KLB: variants seen among roughly 807,000 people sequenced by gnomAD.
KLB encodes the protein beta-klotho.
Under a neutral mutation model 88.4 loss-of-function variants are expected in KLB, and 44 were observed. The ratio of observed to expected loss-of-function variants is 0.50; its 90% CI spans 0.39 to 0.64. The LOEUF (loss-of-function observed/expected upper bound fraction) is 0.64, where lower values mean the gene tolerates loss of function less well. Among genes scored for constraint, KLB ranks in the 30% least tolerant of loss-of-function variants. The probability of loss-of-function intolerance (pLI) is 0.00; values close to 1 mark genes in which losing one functional copy is unlikely to be tolerated. For synonymous variants in KLB, 548 were observed against 513.4 expected (o/e 1.07, Z -0.91); for missense variants, 1,137 against 1,304.8 (o/e 0.87, Z 1.98).
chr4:39,430,894 G>A (rs1002548260), intron 1 of KLB, among the ~76,000 whole-genome samples: 1 of 148,842 alleles, frequency 6.7e-6, no homozygotes, highest in Non-Finnish European at 1.5e-5. Flanking sequence ...ACAGGCATGA[G>A]CCACTGCTCC....
At chr4:39,426,251 C>CAAA (rs36101900) in intron 1 of KLB, among the ~76,000 whole-genome samples, 76,196 of 129,318 alleles carry the variant, frequency 0.59, 24,304 homozygotes, top group East Asian at 0.7. Flanking sequence ...GACTCCATCT[C>CAAA]AAAAAAAAAA....
At chr4:39,424,883 C>T (rs1442276611) in intron 1 of KLB, among the ~76,000 whole-genome samples, 1 of 152,144 alleles carries the variant, frequency 6.6e-6, no homozygotes, top group East Asian at 1.9e-4. Context: ...CCCGCCTCGG[C>T]CTCCCAAAGT....
At chr4:39,408,647 G>A (rs1432719854) in intron 1 of KLB, among the ~76,000 whole-genome samples, 1 of 152,116 alleles carries the variant, frequency 6.6e-6, no homozygotes, top group Admixed American at 6.5e-5. Context: ...AGGTTAAGGA[G>A]TAAAATACAG....
rs869183002 is a variant in KLB, at chr4:39,426,413, T to TAA, written c.826-7773_826-7772dup. ...TGGGTGACAGAGCAAGACTCCTATC[T>TAA]AAAAAAAAAAAAAAAAAAAAAAAAA... On this transcript the variant is annotated intron_variant, in intron 1 of 4. Coordinates refer to ENST00000257408, the MANE Select transcript of KLB (RefSeq NM_175737.4). Among the ~76,000 whole-genome samples, 446 of 65,392 alleles carry TAA rather than the reference T, an allele frequency of 6.8e-3. 9 individuals carry two copies. Among genetic ancestry groups the TAA allele is most frequent in the African/African-American group, 0.024 (359 of 15,216 alleles). 42.9% of individuals were successfully genotyped at this position (65,392 alleles called of 152,430 possible).
chr4:39,414,408 A>G (rs1742922308), intron 1 of KLB, among the ~76,000 whole-genome samples: 2 of 152,072 alleles, frequency 1.3e-5, no homozygotes, highest in Non-Finnish European at 2.9e-5. Flanking sequence ...GAGAATAAAG[A>G]CTGTCCCTCC....
chr4:39,431,127 G>C (rs2926042), intron 1 of KLB, among the ~76,000 whole-genome samples: 1 of 144,966 alleles, frequency 6.9e-6, no homozygotes, highest in Non-Finnish European at 1.5e-5. Flanking sequence ...ACGGGGTTTC[G>C]TCATGTTGAC....
At position 39,434,464 on chromosome 4, in the gene KLB, G is replaced by A. The variant is rs1451270443; in HGVS notation, c.1080G>A (p.Lys360=). 2 of 1,614,094 alleles carry A rather than the reference G, an allele frequency of 1.2e-6. No homozygotes were observed. Among genetic ancestry groups the A allele is most frequent in the South Asian group, 1.1e-5 (1 of 91,092 alleles). The change falls in exon 2 of 5, where the codon AAG becomes AAA. Residue 360 remains lysine (K), a synonymous_variant. Transcript: ENST00000257408. ...SVLPIFSEAE[K]HEMRGTADFF... is the part of the protein sequence containing the mutation. ...TACCCATTTTCTCTGAAGCAGAGAA[G>A]CATGAGATGAGAGGCACAGCTGATT... is the stretch of plus-strand genomic sequence containing the variant.
Position 39,434,428 on chromosome 4 carries a change from G to A in KLB, c.1044G>A (p.Leu348=), listed in dbSNP as rs570589491. Residue 348 remains leucine, a synonymous_variant, in exon 2 of 5, where the codon TTG becomes TTA. Coordinates refer to ENST00000257408, the MANE Select transcript of KLB (RefSeq NM_175737.4). The part of the protein sequence containing the change: ...GDYPEGMRKK[L]FSVLPIFSEA... ...ATCCAGAGGGGATGAGAAAGAAGTT[G>A]TTCTCCGTTCTACCCATTTTCTCTG... is the stretch of plus-strand genomic sequence containing the variant. 3.7e-6 allele frequency: 6 copies of A among 1,614,176 alleles called. No homozygotes were observed. Among genetic ancestry groups the A allele is most frequent in the African/African-American group, 2.7e-5 (2 of 75,034 alleles).
At chr4:39,433,069 G>A (rs899510125) in intron 1 of KLB, among the ~76,000 whole-genome samples, 6 of 151,984 alleles carry the variant, frequency 3.9e-5, no homozygotes, top group East Asian at 1.9e-4. Context: ...TAGTAGAGAC[G>A]GTGTTTCACC....
chr4:39,423,597 G>C lies in KLB; in HGVS notation c.826-10613G>C, dbSNP rs539805948. ...AAACTTCAATTTCTTTTCTAAAATGGGAAAAATAAGACTTGTCTTGCAGAA... is the reference window on the plus strand; with the variant it reads ...AAACTTCAATTTCTTTTCTAAAATGCGAAAAATAAGACTTGTCTTGCAGAA... On this transcript the variant is annotated intron_variant, in intron 1 of 4. Coordinates refer to ENST00000257408, the MANE Select transcript of KLB (RefSeq NM_175737.4). 7.2e-5 allele frequency among the ~76,000 whole-genome samples: 11 copies of C among 151,844 alleles called. No individual in the cohort carries two copies. In the South Asian group the frequency reaches 1.9e-3, roughly 26 times the overall value.
chr4:39,424,041 C>A (rs1265660491), intron 1 of KLB, among the ~76,000 whole-genome samples: 1 of 151,686 alleles, frequency 6.6e-6, no homozygotes, highest in Non-Finnish European at 1.5e-5. Flanking sequence ...ATGAGAAAAA[C>A]ATCACAATAA....
At chr4:39,440,965 C>G (rs1743584861) in intron 3 of KLB, among the ~76,000 whole-genome samples, 1 of 152,178 alleles carries the variant, frequency 6.6e-6, no homozygotes, top group Non-Finnish European at 1.5e-5. Flanking sequence ...AAGCAATTCT[C>G]CTGCCTCTGC....
At chr4:39,427,123 C>T (rs2109830150) in intron 1 of KLB, among the ~76,000 whole-genome samples, 1 of 152,114 alleles carries the variant, frequency 6.6e-6, no homozygotes, top group South Asian at 2.1e-4. Flanking sequence ...TTGCTTGAGG[C>T]CAGGAGTTCG....
Position 39,407,189 on chromosome 4 carries a change from T to G in KLB, c.240T>G (p.Thr80=), listed in dbSNP as rs968354437. The G allele has an allele frequency of 1.2e-6, 2 of 1,613,986 alleles. No individual in the cohort carries two copies. The highest frequency in any genetic ancestry group is 1.3e-5 in the African/African-American group (1 of 74,922). The part of the protein sequence containing the change: ...VNESQLFLYD[T]FPKNFFWGIG... ...AAAGTCAGCTGTTTCTCTATGACAC[T>G]TTCCCTAAAAACTTTTTCTGGGGTA... The change falls in exon 1 of 5, where the codon ACT becomes ACG. Residue 80 remains threonine, a synonymous_variant. Transcript: ENST00000257408.
At chr4:39,416,410 A>C (rs991150478) in intron 1 of KLB, among the ~76,000 whole-genome samples, 1 of 152,236 alleles carries the variant, frequency 6.6e-6, no homozygotes, top group Non-Finnish European at 1.5e-5. Flanking sequence ...AACTAAAAAA[A>C]ACTTTTTTTA....
rs1364769609 is a variant in KLB, at chr4:39,407,715, G to A, written c.766G>A (p.Ala256Thr). Residue 256 changes from alanine (A) to threonine (T), a missense_variant, in exon 1 of 5, where the codon GCC becomes ACC. By Grantham distance (58) the Ala-to-Thr change is moderately conservative. Around this residue, in one of 4 missense-constraint regions of KLB, gnomAD observed 597 missense variants for 765.2 expected, o/e 0.78. Coordinates refer to ENST00000257408, the MANE Select transcript of KLB (RefSeq NM_175737.4). Reference sequence around the variant, plus strand: ...GCATGGGTATGGGACAGGTATGCATGCCCCTGGAGAGAAGGGAAATTTAGC... The same window carrying A: ...GCATGGGTATGGGACAGGTATGCATACCCCTGGAGAGAAGGGAAATTTAGC... ...AWHGYGTGMH[A>T]PGEKGNLAAV... 6.2e-7 allele frequency: 1 copy of A among 1,609,642 alleles called. No homozygotes were observed. The highest frequency in any genetic ancestry group is 8.5e-7 in the Non-Finnish European group (1 of 1,176,178).
At chr4:39,416,427 C>A (rs982317861) in intron 1 of KLB, among the ~76,000 whole-genome samples, 2 of 152,024 alleles carry the variant, frequency 1.3e-5, no homozygotes, top group Non-Finnish European at 2.9e-5. Flanking sequence ...TTTAAATCTT[C>A]ATATAGTTCT....
intron 1 of KLB, among the ~76,000 whole-genome samples, chr4:39,419,295 T>C (rs1743028412): frequency 6.6e-6 from 1 of 152,180 alleles, no homozygotes; most frequent in Non-Finnish European, 1.5e-5. Context: ...CTTGATTTGA[T>C]ATGAGCACTC....
At chr4:39,414,987 G>A (rs560181400) in intron 1 of KLB, among the ~76,000 whole-genome samples, 3 of 151,798 alleles carry the variant, frequency 2.0e-5, no homozygotes, top group Middle Eastern at 3.4e-3. Context: ...TGGGGGTTGG[G>A]TTTTTTGGTT....
Sources: allele counts gnomAD v4.1 joint callset (sites outside exome capture counted in the v4.1 genomes callset), GRCh38; gene constraint gnomAD v4.1.1; regional missense constraint gnomAD v4.1.1; transcripts MANE v1.5; gene names NCBI Gene and HGNC (gene_info 2026-07-23, HGNC 2026-07-21).